LIPA: variants seen among roughly 807,000 people sequenced by gnomAD.
The protein encoded by LIPA is lysosomal acid lipase/cholesteryl ester hydrolase.
A neutral mutation model predicts 40.6 loss-of-function variants in LIPA; 26 were observed. The observed-to-expected ratio is 0.64, with a 90% CI of 0.47 to 0.89. The LOEUF (loss-of-function observed/expected upper bound fraction) is 0.89, where lower values mean the gene tolerates loss of function less well. Ranked by LOEUF, LIPA falls within the 40% of genes least tolerant of loss-of-function variation. The pLI is 0.00. For synonymous variants in LIPA, 188 were observed against 168.4 expected (o/e 1.12, Z -0.90); for missense variants, 455 against 479.6 (o/e 0.95, Z 0.48).
intron 2 of LIPA, among the ~76,000 whole-genome samples, chr10:89,365,307 G>C (rs1215348864): frequency 6.6e-6 from 1 of 152,000 alleles, no homozygotes; most frequent in Non-Finnish European, 1.5e-5. Flanking sequence ...TAAAGACAGA[G>C]ATCTTGTAAA....
Position 89,399,617 on chromosome 10 carries a change from G to C in LIPA, c.61+13174C>G, listed in dbSNP as rs541195168. On this transcript the variant is annotated intron_variant, in intron 2 of 8. Transcript: ENST00000371837. ...TATCCAGCTTTCCCACACATTTGTTGAAAAGACCATCCTTTCCCCATTAGA... is the reference window on the plus strand; with the variant it reads ...TATCCAGCTTTCCCACACATTTGTTCAAAAGACCATCCTTTCCCCATTAGA... Among the ~76,000 whole-genome samples, 257 of 151,716 alleles carry C rather than the reference G, an allele frequency of 1.7e-3. 2 individuals are homozygous for C. Among genetic ancestry groups the C allele is most frequent in the African/African-American group, 6.0e-3 (249 of 41,276 alleles).
At chr10:89,337,964 A>G (rs910889058) in intron 1 of LIPA, among the ~76,000 whole-genome samples, 1 of 152,234 alleles carries the variant, frequency 6.6e-6, no homozygotes, top group Non-Finnish European at 1.5e-5. Flanking sequence ...TGAGATACTC[A>G]ACACTTTAGT....
rs368734723 is a variant in LIPA at position 89,223,679 on chromosome 10, C to T, written c.822+5G>A. The T allele has an allele frequency of 4.4e-6, 7 of 1,599,126 alleles. No individual in the cohort carries two copies. The African/African-American group carries it at 9.4e-5, about 21-fold the overall frequency. On this transcript the variant is annotated splice_donor_5th_base_variant and intron_variant, in intron 7 of 9. Transcript: ENST00000336233. ...AAAATCAAATCTTACTATAAACATG[C>T]ATACCATATTTAAATTTCTCTCATT...
intron 3 of LIPA, among the ~76,000 whole-genome samples, chr10:89,231,530 G>A (rs1041388): frequency 0.39 from 59,385 of 151,634 alleles, 11,913 homozygotes; most frequent in Non-Finnish European, 0.45. Context: ...AGACTGGAGT[G>A]CAGTGGCATG....
chr10:89,267,278 T>G (rs1183167701), intron 1 of LIPA, among the ~76,000 whole-genome samples: 1 of 152,024 alleles, frequency 6.6e-6, no homozygotes, highest in African/African-American at 2.4e-5. Context: ...TAGCCCCAGG[T>G]AGTAGCAGTT....
chr10:89,252,555 C>A (rs2133479960), upstream of LIPA, among the ~76,000 whole-genome samples: 1 of 152,312 alleles, frequency 6.6e-6, no homozygotes, highest in East Asian at 1.9e-4. Flanking sequence ...CGCCTGTAAT[C>A]CCAGCAGTTT....
intron 1 of LIPA, chr10:89,307,043 A>G (rs1843485958): frequency 1.9e-6 from 3 of 1,614,064 alleles, no homozygotes; most frequent in Non-Finnish European, 2.5e-6. Context: ...GGAATTCAGT[A>G]AAGAGCTTAC....
intron 2 of LIPA, among the ~76,000 whole-genome samples, chr10:89,355,756 C>T (rs77295092): frequency 0.055 from 8,317 of 152,210 alleles, 407 homozygotes; most frequent in East Asian, 0.21. Context: ...ATCCTCACTG[C>T]TCATTATATG....
At chr10:89,253,416 A>C (rs533246144), upstream of LIPA, among the ~76,000 whole-genome samples, 1 of 152,358 alleles carries the variant, frequency 6.6e-6, no homozygotes, top group South Asian at 2.1e-4. Context: ...TTATAAAACC[A>C]TCAGACCTTG....
upstream of LIPA, among the ~76,000 whole-genome samples, chr10:89,255,999 G>A (rs1415571284): frequency 6.6e-6 from 1 of 152,206 alleles, no homozygotes; most frequent in African/African-American, 2.4e-5. Flanking sequence ...CAGAAGTTGA[G>A]CAACAGTCTC....
At chr10:89,344,659 C>G (rs2133582586), upstream of LIPA, among the ~76,000 whole-genome samples, 1 of 151,142 alleles carries the variant, frequency 6.6e-6, no homozygotes, top group South Asian at 2.1e-4. Context: ...TTAAGCAATT[C>G]TGGCTTGGTA....
chr10:89,235,238 C>T (rs1589563908), intron 3 of LIPA, among the ~76,000 whole-genome samples: 3 of 152,258 alleles, frequency 2.0e-5, no homozygotes, highest in East Asian at 3.8e-4. Flanking sequence ...CACTCAGGCA[C>T]CCTGAAGCCC....
At chr10:89,413,882 G>A (rs1349247938) in intron 1 of LIPA, among the ~76,000 whole-genome samples, 1 of 151,804 alleles carries the variant, frequency 6.6e-6, no homozygotes, top group African/African-American at 2.4e-5. Flanking sequence ...TTTCTTTATT[G>A]TTATATTGAC....
intron 1 of LIPA, among the ~76,000 whole-genome samples, chr10:89,267,849 C>T (rs567094179): frequency 8.5e-5 from 13 of 152,110 alleles, no homozygotes; most frequent in African/African-American, 2.9e-4. Context: ...AACCAGTAGC[C>T]GGAGGACACT....
At chr10:89,246,396 A>C (rs751220484) in intron 2 of LIPA, among the ~76,000 whole-genome samples, 2 of 152,220 alleles carry the variant, frequency 1.3e-5, no homozygotes, top group Non-Finnish European at 2.9e-5. Context: ...CAGGGGATTT[A>C]ATGTAAATAA....
At chr10:89,304,232 G>C (rs1589594837) in intron 1 of LIPA, among the ~76,000 whole-genome samples, 2 of 152,324 alleles carry the variant, frequency 1.3e-5, no homozygotes, top group Non-Finnish European at 1.5e-5. Context: ...AAAGAGCCAG[G>C]TTGTCTAAGT....
At position 89,305,014 on chromosome 10, in the gene LIPA, T is replaced by TA. The variant is rs1411862208; in HGVS notation, c.-2+37596dup. ...AATTTCAAAAAAAAAATTAAAACAA[T>TA]AAAGTACAAAATTATTAATAGAGCA... is the stretch of plus-strand genomic sequence containing the variant. On this transcript the variant is annotated intron_variant, in intron 1 of 5. Coordinates refer to the LIPA transcript ENST00000282673. Among the ~76,000 whole-genome samples, 12 of 150,742 alleles carry TA rather than the reference T, an allele frequency of 8.0e-5. No individual in the cohort carries two copies. The East Asian group carries it at 2.3e-3, about 29-fold the overall frequency.
chr10:89,275,840 C>T (rs1589586023), intron 1 of LIPA, among the ~76,000 whole-genome samples: 1 of 152,280 alleles, frequency 6.6e-6, no homozygotes, highest in South Asian at 2.1e-4. Context: ...AGCTCTAGGG[C>T]TATCAGGTGA....
rs80287462 is a variant in LIPA at position 89,358,237 on chromosome 10, T to C, written c.61+54554A>G. Among the ~76,000 whole-genome samples, 891 of 152,252 alleles carry C rather than the reference T, an allele frequency of 5.9e-3. 14 individuals are homozygous for C. Among genetic ancestry groups the C allele is most frequent in the East Asian group, 0.05 (259 of 5,190 alleles). On this transcript the variant is annotated intron_variant, in intron 2 of 8. Coordinates refer to the LIPA transcript ENST00000371837. The stretch of plus-strand genomic sequence containing the variant: ...CTGCAGAATCAAAACCACAGTGAGA[T>C]AGCATCTCATCCTGGTTAGAATGGC...
Sources: gnomAD v4.1 joint callset for allele counts (sites outside exome capture counted in the v4.1 genomes callset) on GRCh38, gnomAD v4.1.1 for gene constraint, MANE v1.5 for transcripts, NCBI Gene and HGNC (gene_info 2026-07-23, HGNC 2026-07-21) for gene names.